The following ENKUR variants were observed in gnomAD, a reference collection of about 807,000 sequenced individuals.
The protein encoded by ENKUR is enkurin, TRPC channel interacting protein, also known as enkurin.
In ENKUR, 19 loss-of-function variants were observed where a neutral mutation model predicts 27.6. The ratio of observed to expected loss-of-function variants is 0.69; its 90% CI spans 0.48 to 1.01. The LOEUF (loss-of-function observed/expected upper bound fraction) is 1.01, where lower values mean the gene tolerates loss of function less well. Ranked by LOEUF, ENKUR falls within the 50% of genes least tolerant of loss-of-function variation. The pLI is 0.00. For synonymous variants in ENKUR, 117 were observed against 96.9 expected, an observed-to-expected ratio of 1.21 and a Z score of -1.22; for missense variants, 312 against 310.5, an observed-to-expected ratio of 1.00 and a Z score of -0.04.
intron 2 of ENKUR, among the ~76,000 whole-genome samples, chr10:25,058,880 G>A (rs1851293084): frequency 6.7e-6 from 1 of 149,120 alleles, no homozygotes; most frequent in Non-Finnish European, 1.5e-5. Context: ...GCAGTGAGCT[G>A]AAATTGTGCC....
intron 4 of ENKUR, among the ~76,000 whole-genome samples, chr10:24,985,704 G>A (rs755952184): frequency 2.3e-4 from 35 of 152,226 alleles, no homozygotes; most frequent in Non-Finnish European, 3.7e-4. Flanking sequence ...AGACAAAATG[G>A]TCTTAAACTA....
chr10:25,031,699 A>C (rs1317172469), intron 2 of ENKUR, among the ~76,000 whole-genome samples: 3 of 146,106 alleles, frequency 2.1e-5, no homozygotes, highest in Non-Finnish European at 4.5e-5. Flanking sequence ...CTCCTTGTTA[A>C]CTTTTCTGTT....
chr10:24,985,253 T>C (rs1387534679), intron 4 of ENKUR, among the ~76,000 whole-genome samples: 1 of 152,334 alleles, frequency 6.6e-6, no homozygotes, highest in East Asian at 1.9e-4. Context: ...CTTAGAATGA[T>C]ATCCTCGAGT....
chr10:24,984,371 C>T lies in ENKUR; in HGVS notation c.770G>A (p.Ter257=). The part of the protein sequence containing the change: ...HKIIYIANNA[*] ...GTTTTCAAAGTTGTGCTGTTGGTAT[C>T]ATGCGCTGCAGAAAAAAAAAAAAAA... Residue 257 remains the stop codon, a stop_retained_variant, in exon 6 of 6, where the codon TGA becomes TAA. Transcript: ENST00000331161. 1 of 1,502,722 alleles carries T rather than the reference C, an allele frequency of 6.7e-7. No homozygotes were observed. The highest frequency in any genetic ancestry group is 9.0e-7 in the Non-Finnish European group (1 of 1,110,714). The allele number at this position is 1,502,722 out of a possible 1,614,324, so 93.1% of individuals were successfully genotyped here.
rs1414623629 is a variant in ENKUR at position 24,984,769 on chromosome 10, A to G, written c.731T>C (p.Ile244Thr). 1.2e-6 allele frequency: 2 copies of G among 1,612,756 alleles called. No individual in the cohort carries two copies. The highest frequency in any genetic ancestry group is 1.7e-6 in the Non-Finnish European group (2 of 1,179,748). The change falls in exon 5 of 6, where the codon ATT becomes ACT. Residue 244 changes from isoleucine (I) to threonine (T), a missense_variant. Transcript: ENST00000331161. Reference protein sequence around the residue: ...MKQLEHDIGIIEKHKIIYIAN... With the variant: ...MKQLEHDIGITEKHKIIYIAN... The stretch of plus-strand genomic sequence containing the variant: ...AATATAAATAATCTTGTGCTTTTCA[A>G]TTATGCCAATGTCGTGTTCTAGTTG...
chr10:25,007,449 T>C (rs1850340469), intron 1 of ENKUR, among the ~76,000 whole-genome samples: 1 of 152,186 alleles, frequency 6.6e-6, no homozygotes, highest in South Asian at 2.1e-4. Context: ...TTTGTTTATT[T>C]ATTGAGATGG....
At chr10:24,997,649 A>C (rs1022240003) in intron 2 of ENKUR, among the ~76,000 whole-genome samples, 1 of 152,092 alleles carries the variant, frequency 6.6e-6, no homozygotes, top group African/African-American at 2.4e-5. Context: ...TTGGCCTCCC[A>C]AAGTGCTGGG....
chr10:25,010,007 T>G (rs571077461), intron 1 of ENKUR, among the ~76,000 whole-genome samples: 1 of 152,116 alleles, frequency 6.6e-6, no homozygotes, highest in Non-Finnish European at 1.5e-5. Context: ...GATGCTGCTA[T>G]AAAGATACCC....
intron 2 of ENKUR, chr10:25,021,779 C>T (rs1223974042): frequency 6.6e-6 from 1 of 152,120 alleles, no homozygotes; most frequent in African/African-American, 2.4e-5. Context: ...GCCTCAGAGT[C>T]AACAAACTCT....
intron 1 of ENKUR, among the ~76,000 whole-genome samples, chr10:25,007,596 G>A (rs979100045): frequency 1.3e-5 from 2 of 151,972 alleles, no homozygotes; most frequent in Non-Finnish European, 2.9e-5. Context: ...CACCACACCC[G>A]GGTAATTTTT....
At chr10:25,060,883 GT>G (rs566590900) in intron 2 of ENKUR, among the ~76,000 whole-genome samples, 97 of 144,700 alleles carry the variant, frequency 6.7e-4, no homozygotes, top group South Asian at 1.8e-3. Context: ...AATTTAAAAA[GT>G]TTTTTTTTTT....
chr10:25,057,088 C>T (rs182138249), intron 2 of ENKUR, among the ~76,000 whole-genome samples: 1 of 152,172 alleles, frequency 6.6e-6, no homozygotes, highest in East Asian at 1.9e-4. Context: ...CCTCTAAAGA[C>T]TCAAGTAATA....
chr10:24,991,841 A>G (rs1849935938), intron 3 of ENKUR, among the ~76,000 whole-genome samples: 1 of 152,198 alleles, frequency 6.6e-6, no homozygotes, highest in Admixed American at 6.5e-5. Flanking sequence ...CAGCTAAACC[A>G]AAAGAGCACC....
chr10:25,047,157 G>A lies in ENKUR; in HGVS notation c.37+13955C>T, dbSNP rs150654993. 1.9e-3 allele frequency among the ~76,000 whole-genome samples: 282 copies of A among 152,212 alleles called. 5 individuals are homozygous for A. Among genetic ancestry groups the A allele is most frequent in the African/African-American group, 6.6e-3 (274 of 41,536 alleles). ...AAACCCAATTTTTCCTCTCATAAAT[G>A]TAATTCAAACTCTCAAGGTTTGTTC... On this transcript the variant is annotated intron_variant, in intron 2 of 5. Transcript: ENST00000615958.
intron 2 of ENKUR, chr10:25,061,105 G>T: frequency 1.3e-6 from 2 of 1,535,958 alleles, no homozygotes; most frequent in Non-Finnish European, 1.7e-6. Flanking sequence ...AAGAATGTCA[G>T]TATTACCTGG....
chr10:25,028,875 T>A (rs570107619), intron 2 of ENKUR, among the ~76,000 whole-genome samples: 4 of 152,232 alleles, frequency 2.6e-5, no homozygotes, highest in Admixed American at 2.0e-4. Context: ...TCATTCCCTT[T>A]CTCATAGTTC....
At chr10:25,027,380 A>C (rs1441859425) in intron 2 of ENKUR, among the ~76,000 whole-genome samples, 4 of 144,648 alleles carry the variant, frequency 2.8e-5, no homozygotes, top group Non-Finnish European at 4.6e-5. Context: ...AAAAAAAAAA[A>C]AAAAAAACTA....
intron 2 of ENKUR, chr10:25,023,511 T>C (rs769673386): frequency 9.9e-6 from 16 of 1,613,984 alleles, no homozygotes; most frequent in Non-Finnish European, 1.3e-5. Context: ...AAACCTGGAA[T>C]ATGAGTGTGT....
intron 2 of ENKUR, among the ~76,000 whole-genome samples, chr10:25,048,583 A>C (rs1003039248): frequency 2.0e-5 from 3 of 151,976 alleles, no homozygotes; most frequent in African/African-American, 7.2e-5. Flanking sequence ...CACCAAGCAG[A>C]AGCTGCTGAT....
Sources: allele counts gnomAD v4.1 joint callset (sites outside exome capture counted in the v4.1 genomes callset), GRCh38; gene constraint gnomAD v4.1.1; transcripts MANE v1.5; gene names NCBI Gene and HGNC (gene_info 2026-07-23, HGNC 2026-07-21).